The following UBE2E3 variants were observed in gnomAD, a reference collection of about 807,000 sequenced individuals.
UBE2E3 encodes the protein ubiquitin conjugating enzyme E2 E3.
Under a neutral mutation model 23.6 loss-of-function variants are expected in UBE2E3, and 5 were observed. That is an observed-to-expected ratio of 0.21 (90% CI 0.11 to 0.44). The LOEUF is 0.44. Ranked by LOEUF, UBE2E3 falls within the 20% of genes least tolerant of loss-of-function variation. UBE2E3 has a pLI of 0.99. For missense variants in UBE2E3, 81 were observed against 249.8 expected, an observed-to-expected ratio of 0.32 and a Z score of 4.55; for synonymous variants, 78 against 87.5, an observed-to-expected ratio of 0.89 and a Z score of 0.60.
chr2:181,006,403 TTTTGCCG>T (rs1685148272), intron 3 of UBE2E3, among the ~76,000 whole-genome samples: 1 of 151,292 alleles, frequency 6.6e-6, no homozygotes, highest in Non-Finnish European at 1.5e-5. Flanking sequence ...GCCTTCCACC[TTTTGCCG>T]TTCCAGATTC....
chr2:181,036,186 T>A (rs1256978959), intron 3 of UBE2E3, among the ~76,000 whole-genome samples: 1 of 152,102 alleles, frequency 6.6e-6, no homozygotes, highest in Non-Finnish European at 1.5e-5. Flanking sequence ...CATAGAGTAA[T>A]CAAAATAGTG....
chr2:181,038,982 G>T (rs559452285), intron 3 of UBE2E3, among the ~76,000 whole-genome samples: 2 of 152,232 alleles, frequency 1.3e-5, no homozygotes, highest in South Asian at 4.1e-4. Flanking sequence ...AGGCAAAATG[G>T]TATGGCCACT....
At chr2:181,038,956 T>C (rs1686386795) in intron 3 of UBE2E3, among the ~76,000 whole-genome samples, 1 of 152,182 alleles carries the variant, frequency 6.6e-6, no homozygotes, top group Non-Finnish European at 1.5e-5. Context: ...GAAACTCTCA[T>C]ACATTACCAT....
intron 2 of UBE2E3, among the ~76,000 whole-genome samples, chr2:180,983,343 C>G (rs914611653): frequency 1.3e-5 from 2 of 152,070 alleles, no homozygotes. Context: ...AGTGTTGATG[C>G]GGAACATATT....
intron 3 of UBE2E3, among the ~76,000 whole-genome samples, chr2:180,998,846 A>G (rs1244219207): frequency 6.6e-6 from 1 of 152,206 alleles, no homozygotes; most frequent in African/African-American, 2.4e-5. Context: ...CAGTTCCTTC[A>G]GATAATCAAC....
intron 4 of UBE2E3, among the ~76,000 whole-genome samples, chr2:181,060,337 C>T (rs1687106890): frequency 6.6e-6 from 1 of 151,680 alleles, no homozygotes; most frequent in Admixed American, 6.6e-5. Flanking sequence ...TTCTGTCTTT[C>T]TGTATGTATG....
chr2:181,061,551 TTTAA>T (rs1687152049), intron 5 of UBE2E3, among the ~76,000 whole-genome samples: 2 of 151,670 alleles, frequency 1.3e-5, no homozygotes, highest in Admixed American at 6.6e-5. Context: ...CCCTTCCTTT[TTTAA>T]TTAATTAGTT....
At chr2:180,989,947 C>G (rs1472123763) in intron 3 of UBE2E3, 5 of 1,548,876 alleles carry the variant, frequency 3.2e-6, no homozygotes, top group Middle Eastern at 1.7e-4. Context: ...CTTGTCCTTT[C>G]AGTCTCTTCT....
At chr2:180,981,633 T>C (rs1333144620) in intron 1 of UBE2E3, among the ~76,000 whole-genome samples, 2 of 152,238 alleles carry the variant, frequency 1.3e-5, no homozygotes, top group East Asian at 3.8e-4. Context: ...AGTGTGTAAA[T>C]ATTTAGACGT....
intron 3 of UBE2E3, chr2:180,990,103 A>G: frequency 9.9e-7 from 1 of 1,005,306 alleles, no homozygotes. Flanking sequence ...ACATCTTCAA[A>G]CTTTTAACCT....
At chr2:181,053,460 C>G (rs894534513) in intron 3 of UBE2E3, among the ~76,000 whole-genome samples, 2 of 151,636 alleles carry the variant, frequency 1.3e-5, no homozygotes, top group African/African-American at 4.8e-5. Context: ...TTTTTATAAA[C>G]CATTACTTAC....
At chr2:181,027,036 G>A (rs547992692) in intron 3 of UBE2E3, among the ~76,000 whole-genome samples, 14 of 151,888 alleles carry the variant, frequency 9.2e-5, no homozygotes, top group South Asian at 2.1e-4. Context: ...AGAGAATTGC[G>A]CAGAGTATCT....
intron 3 of UBE2E3, among the ~76,000 whole-genome samples, chr2:181,034,551 T>G (rs1465956629): frequency 2.6e-5 from 4 of 152,004 alleles, no homozygotes; most frequent in African/African-American, 4.8e-5. Context: ...CGGGGAGAGA[T>G]AGCATTAGGA....
chr2:181,012,564 CAA>C (rs1402645392), intron 3 of UBE2E3, among the ~76,000 whole-genome samples: 1 of 152,274 alleles, frequency 6.6e-6, no homozygotes, highest in East Asian at 1.9e-4. Context: ...CATAAGCACA[CAA>C]GAGGTTTAAC....
intron 3 of UBE2E3, among the ~76,000 whole-genome samples, chr2:181,047,483 C>G (rs1428293692): frequency 6.6e-6 from 1 of 152,070 alleles, no homozygotes; most frequent in Non-Finnish European, 1.5e-5. Context: ...CCCAGTGTAT[C>G]CAAAACCAAC....
intron 3 of UBE2E3, among the ~76,000 whole-genome samples, chr2:181,038,280 A>T (rs1227349548): frequency 1.3e-5 from 2 of 152,222 alleles, no homozygotes; most frequent in Non-Finnish European, 2.9e-5. Context: ...ATATAATAAC[A>T]TACTGTGTGA....
At chr2:181,009,969 A>T (rs975719948) in intron 3 of UBE2E3, among the ~76,000 whole-genome samples, 5 of 151,932 alleles carry the variant, frequency 3.3e-5, no homozygotes, top group Non-Finnish European at 5.9e-5. Flanking sequence ...TCTCAAGTGT[A>T]TTTGTATTTT....
At chr2:181,046,940 G>C (rs1371446653) in intron 3 of UBE2E3, among the ~76,000 whole-genome samples, 2 of 152,064 alleles carry the variant, frequency 1.3e-5, no homozygotes, top group East Asian at 3.9e-4. Flanking sequence ...AAACTATTCA[G>C]AGTAGAAAGA....
chr2:180,980,452 C>A (rs947071342), upstream of UBE2E3: 1 of 150,670 alleles, frequency 6.6e-6, no homozygotes, highest in East Asian at 2.0e-4. This position sits in a 1 kb window ranked among gnomAD's most constrained non-coding sequence, Gnocchi z 5.5. Flanking sequence ...GACGCGTGCA[C>A]CCCCAGGGTG....
Sources: gnomAD v4.1 joint callset for allele counts (sites outside exome capture counted in the v4.1 genomes callset) on GRCh38, gnomAD v4.1.1 for gene constraint, Gnocchi (gnomAD v3.1) non-coding constraint, MANE v1.5 for transcripts, NCBI Gene and HGNC (gene_info 2026-07-23, HGNC 2026-07-21) for gene names.